CCDC91: variants seen among roughly 807,000 people sequenced by gnomAD.
CCDC91 encodes coiled-coil domain containing 91, also known as coiled-coil domain-containing protein 91.
A neutral mutation model predicts 63.2 loss-of-function variants in CCDC91; 48 were observed. That is an observed-to-expected ratio of 0.76 (90% CI 0.60 to 0.97). The LOEUF (loss-of-function observed/expected upper bound fraction) is 0.97. Among genes scored for constraint, CCDC91 ranks in the 50% least tolerant of loss-of-function variants. CCDC91 has a pLI of 0.00. For missense variants in CCDC91, 500 were observed against 494.6 expected (o/e 1.01, Z -0.10); for synonymous variants, 167 against 165.8 (o/e 1.01, Z -0.06).
At chr12:28,460,987 T>C (rs1377260206) in intron 11 of CCDC91, among the ~76,000 whole-genome samples, 1 of 151,974 alleles carries the variant, frequency 6.6e-6, no homozygotes, top group Non-Finnish European at 1.5e-5. Flanking sequence ...ACCTAGGTGG[T>C]ACAGCCTACC....
At chr12:28,277,285 G>C (rs1948300511) in intron 3 of CCDC91, among the ~76,000 whole-genome samples, 1 of 151,878 alleles carries the variant, frequency 6.6e-6, no homozygotes, top group Admixed American at 6.6e-5. Flanking sequence ...AATTCTATAG[G>C]TATTACCTCA....
chr12:28,304,902 A>G (rs151054717), intron 3 of CCDC91, among the ~76,000 whole-genome samples: 1 of 152,238 alleles, frequency 6.6e-6, no homozygotes, highest in African/African-American at 2.4e-5. Flanking sequence ...CATACTTGAT[A>G]TTTGGATTCC....
At chr12:28,201,027 T>C (rs56095983) in intron 1 of CCDC91, among the ~76,000 whole-genome samples, 25,804 of 111,666 alleles carry the variant, frequency 0.23, 3,648 homozygotes, top group Non-Finnish European at 0.28. Context: ...CCCTCCCGGA[T>C]GGGGCGGCTG....
chr12:28,485,441 C>T (rs1432035641), intron 12 of CCDC91, among the ~76,000 whole-genome samples: 1 of 147,818 alleles, frequency 6.8e-6, no homozygotes, highest in Non-Finnish European at 1.5e-5. Flanking sequence ...GCCAGGAATA[C>T]AGGCATGAGC....
At chr12:28,537,964 G>T (rs1942307846) in intron 12 of CCDC91, among the ~76,000 whole-genome samples, 1 of 152,110 alleles carries the variant, frequency 6.6e-6, no homozygotes, top group African/African-American at 2.4e-5. Context: ...TATTGATAAA[G>T]AAAAGTACAT....
At chr12:28,250,953 AGTGT>A (rs3064712) in intron 1 of CCDC91, among the ~76,000 whole-genome samples, 2,437 of 145,526 alleles carry the variant, frequency 0.017, 22 homozygotes, top group Non-Finnish European at 0.023. Context: ...TTAAGGTTTG[AGTGT>A]GTGTGTGTGT....
intron 8 of CCDC91, among the ~76,000 whole-genome samples, chr12:28,393,378 A>G: frequency 6.6e-6 from 1 of 151,150 alleles, no homozygotes; most frequent in African/African-American, 2.4e-5. Flanking sequence ...TTCTTTTTGA[A>G]ATTTTTTTTT....
At chr12:28,456,239 C>T (rs1592724304) in intron 11 of CCDC91, among the ~76,000 whole-genome samples, 1 of 152,196 alleles carries the variant, frequency 6.6e-6, no homozygotes. Flanking sequence ...ATAGTCAAGG[C>T]CCCTGTGCTT....
intron 12 of CCDC91, among the ~76,000 whole-genome samples, chr12:28,521,213 G>C (rs1341777077): frequency 6.6e-6 from 1 of 152,146 alleles, no homozygotes; most frequent in Non-Finnish European, 1.5e-5. Flanking sequence ...AGCATGGAAT[G>C]TTCTTCCATT....
At chr12:28,266,126 T>C (rs1947167604) in intron 3 of CCDC91, among the ~76,000 whole-genome samples, 1 of 152,074 alleles carries the variant, frequency 6.6e-6, no homozygotes, top group South Asian at 2.1e-4. Context: ...GAATTATTAC[T>C]GTACATATAA....
intron 12 of CCDC91, among the ~76,000 whole-genome samples, chr12:28,540,531 G>A (rs747949023): frequency 5.9e-5 from 9 of 152,170 alleles, no homozygotes; most frequent in Non-Finnish European, 1.2e-4. Flanking sequence ...TGAGAAGGCA[G>A]CGTAGTATTG....
At chr12:28,396,236 A>G (rs1319606766) in intron 8 of CCDC91, among the ~76,000 whole-genome samples, 2 of 152,188 alleles carry the variant, frequency 1.3e-5, no homozygotes, top group East Asian at 3.9e-4. Flanking sequence ...AAAATCTTTC[A>G]TTTGAGAAAA....
intron 12 of CCDC91, among the ~76,000 whole-genome samples, chr12:28,517,390 T>A (rs142873726): frequency 2.0e-5 from 3 of 151,934 alleles, no homozygotes; most frequent in African/African-American, 7.2e-5. Context: ...AATGTTAACT[T>A]GCAACACGTT....
intron 6 of CCDC91, among the ~76,000 whole-genome samples, chr12:28,315,600 A>G (rs1939777359): frequency 6.6e-6 from 1 of 152,058 alleles, no homozygotes; most frequent in Admixed American, 6.6e-5. Context: ...TTTTAGAACA[A>G]TAATCTTCAA....
chr12:28,417,294 G>A (rs1036725678), intron 8 of CCDC91, among the ~76,000 whole-genome samples: 4 of 151,654 alleles, frequency 2.6e-5, no homozygotes, highest in Non-Finnish European at 5.9e-5. Context: ...TTGTCATTTT[G>A]AAAGTACAGT....
intron 11 of CCDC91, among the ~76,000 whole-genome samples, chr12:28,481,859 AT>A (rs1951465965): frequency 6.6e-6 from 1 of 151,972 alleles, no homozygotes; most frequent in African/African-American, 2.4e-5. Context: ...CTGAGAAGGT[AT>A]TAATAATATA....
intron 12 of CCDC91, among the ~76,000 whole-genome samples, chr12:28,528,175 G>A (rs1160309375): frequency 1.3e-5 from 2 of 152,114 alleles, no homozygotes; most frequent in Non-Finnish European, 2.9e-5. Context: ...CCTTCTCCCT[G>A]TGGTTTTTTT....
At chr12:28,541,775 T>C (rs1942645806) in intron 12 of CCDC91, among the ~76,000 whole-genome samples, 2 of 152,176 alleles carry the variant, frequency 1.3e-5, no homozygotes, top group Non-Finnish European at 2.9e-5. Flanking sequence ...AAAAACTTTA[T>C]GTGGCCTGTT....
chr12:28,194,016 GT>G (rs1941513610), intron 1 of CCDC91, among the ~76,000 whole-genome samples: 1 of 152,184 alleles, frequency 6.6e-6, no homozygotes, highest in South Asian at 2.1e-4. Flanking sequence ...TTTCTTAACA[GT>G]ATCTTTCAAA....
Sources: gnomAD v4.1 joint callset for allele counts (sites outside exome capture counted in the v4.1 genomes callset) on GRCh38, gnomAD v4.1.1 for gene constraint, MANE v1.5 for transcripts, NCBI Gene and HGNC (gene_info 2026-07-23, HGNC 2026-07-21) for gene names.